The following TENM3 variants were observed in gnomAD, a reference collection of about 807,000 sequenced individuals.
The protein encoded by TENM3 is teneurin-3.
A neutral mutation model predicts 255.1 loss-of-function variants in TENM3; 63 were observed. The observed-to-expected ratio is 0.25, with a 90% CI of 0.20 to 0.30. TENM3 has a LOEUF of 0.30. Ranked by LOEUF, TENM3 falls within the 10% of genes least tolerant of loss-of-function variation. The pLI is 1.00. For synonymous variants in TENM3, 1,306 were observed against 1,322.3 expected (o/e 0.99, Z 0.27); for missense variants, 2,929 against 3,461.1 (o/e 0.85, Z 3.86).
rs1747996615 is a variant in TENM3 at position 182,602,533 on chromosome 4, C to T, written c.749+1372C>T. 6.6e-5 allele frequency among the ~76,000 whole-genome samples: 10 copies of T among 152,324 alleles called. No homozygotes were observed. In the South Asian group the frequency reaches 2.1e-3, roughly 32 times the overall value. ...GAAAGTCTTTCTGTGTTTTCTTTTA[C>T]TCTTGACCTAAGAACAAGGTTCTAA... is the stretch of plus-strand genomic sequence containing the variant. On this transcript the variant is annotated intron_variant, in intron 4 of 27. Coordinates refer to ENST00000511685, the MANE Select transcript of TENM3 (RefSeq NM_001080477.4).
At chr4:182,460,141 A>G (rs1437522747) in intron 3 of TENM3, among the ~76,000 whole-genome samples, 1 of 152,182 alleles carries the variant, frequency 6.6e-6, no homozygotes, top group Non-Finnish European at 1.5e-5. Flanking sequence ...CGCTGAAACG[A>G]GACAGCTAGT....
the TENM3 span, among the ~76,000 whole-genome samples, chr4:181,505,259 G>C: frequency 1.3e-5 from 2 of 152,188 alleles, no homozygotes; most frequent in Non-Finnish European, 2.9e-5. Flanking sequence ...GGAAGAAATT[G>C]TTAAAATGCT....
At chr4:182,005,651 A>C in the TENM3 span, among the ~76,000 whole-genome samples, 1 of 152,198 alleles carries the variant, frequency 6.6e-6, no homozygotes, top group Non-Finnish European at 1.5e-5. Context: ...TCTATAAATT[A>C]CTTCGGGCAG....
chr4:181,865,915 A>T, the TENM3 span, among the ~76,000 whole-genome samples: 1 of 152,208 alleles, frequency 6.6e-6, no homozygotes, highest in African/African-American at 2.4e-5. Context: ...GTTTAAGTCC[A>T]TTTTAAATAA....
chr4:181,528,760 G>A, the TENM3 span, among the ~76,000 whole-genome samples: 1 of 152,212 alleles, frequency 6.6e-6, no homozygotes, highest in Admixed American at 6.5e-5. Flanking sequence ...CCACCACTGT[G>A]CAATGCTGCC....
intron 22 of TENM3, among the ~76,000 whole-genome samples, chr4:182,769,768 A>T (rs1179703069): frequency 6.7e-6 from 1 of 149,178 alleles, no homozygotes; most frequent in Non-Finnish European, 1.5e-5. Flanking sequence ...TAGGCAACAG[A>T]GCAAGACTCT....
At chr4:181,935,006 T>C in the TENM3 span, among the ~76,000 whole-genome samples, 2 of 152,224 alleles carry the variant, frequency 1.3e-5, no homozygotes, top group African/African-American at 4.8e-5. Flanking sequence ...GAGAAATTTA[T>C]CCAAGGACTT....
rs1333363324 is a variant in TENM3 at position 182,161,753 on chromosome 4, ATATACATATATATG to A, written c.-76+17001_-76+17014del. On this transcript the variant is annotated intron_variant, in intron 1 of 2. Coordinates refer to the TENM3 transcript ENST00000512480. ...TATATACACAAATATATGTGTATAT[ATATACATATATATG>A]TGTATATATATATACACAAATATAT... Among the ~76,000 whole-genome samples, 42 of 78,956 alleles carry A rather than the reference ATATACATATATATG, an allele frequency of 5.3e-4. 4 individuals are homozygous for A. Among genetic ancestry groups the A allele is most frequent in the African/African-American group, 2.1e-3 (40 of 18,910 alleles). The allele number at this position is 78,956 out of a possible 152,430, so 51.8% of individuals were successfully genotyped here. A position where few individuals can be genotyped will look rare whatever the true frequency, so the allele number is the denominator to read the frequency against.
chr4:181,859,625 G>T, the TENM3 span, among the ~76,000 whole-genome samples: 3 of 152,120 alleles, frequency 2.0e-5, no homozygotes, highest in Admixed American at 2.0e-4. Flanking sequence ...GTATTCAGTT[G>T]CATTTCCCGC....
chr4:182,469,971 A>G (rs1732961461), intron 3 of TENM3, among the ~76,000 whole-genome samples: 1 of 152,204 alleles, frequency 6.6e-6, no homozygotes, highest in African/African-American at 2.4e-5. Context: ...TTTTTTAATT[A>G]CAAAATATCC....
the TENM3 span, among the ~76,000 whole-genome samples, chr4:181,597,231 G>A: frequency 1.3e-5 from 2 of 152,066 alleles, no homozygotes; most frequent in South Asian, 4.1e-4. Flanking sequence ...TATTTCTTTA[G>A]GAAAAAATTA....
chr4:181,969,167 C>T, the TENM3 span, among the ~76,000 whole-genome samples: 16 of 152,130 alleles, frequency 1.1e-4, no homozygotes, highest in African/African-American at 3.6e-4. Flanking sequence ...TCCAATTAGG[C>T]GTATTGTTCC....
the TENM3 span, among the ~76,000 whole-genome samples, chr4:181,937,352 A>G: frequency 3.1e-3 from 477 of 152,340 alleles, 1 homozygote; most frequent in Non-Finnish European, 4.7e-3. Context: ...TTTAAACAGG[A>G]GAGAGGCATG....
intron 3 of TENM3, among the ~76,000 whole-genome samples, chr4:182,600,061 A>C (rs1747677627): frequency 1.3e-5 from 2 of 152,232 alleles, no homozygotes; most frequent in African/African-American, 4.8e-5. Flanking sequence ...CACAGCATTC[A>C]AAACACAGTA....
At chr4:181,930,194 C>T in the TENM3 span, among the ~76,000 whole-genome samples, 58 of 151,148 alleles carry the variant, frequency 3.8e-4, no homozygotes, top group Middle Eastern at 3.4e-3. Flanking sequence ...GATAAAAACA[C>T]GAAAAACCAT....
intron 2 of TENM3, among the ~76,000 whole-genome samples, chr4:182,337,624 T>G (rs1475817968): frequency 6.6e-6 from 1 of 152,208 alleles, no homozygotes; most frequent in Non-Finnish European, 1.5e-5. Flanking sequence ...GGGCAATTTC[T>G]TATATAAAGT....
chr4:182,002,828 C>T, the TENM3 span, among the ~76,000 whole-genome samples: 6 of 152,238 alleles, frequency 3.9e-5, no homozygotes, highest in East Asian at 1.9e-4. Context: ...CACATCCATA[C>T]TTCTGCATCA....
At chr4:181,621,262 G>T in the TENM3 span, among the ~76,000 whole-genome samples, 4 of 152,144 alleles carry the variant, frequency 2.6e-5, no homozygotes, top group African/African-American at 7.2e-5. Flanking sequence ...ACCCTGTAAA[G>T]TGCATGTTAA....
At chr4:182,170,725 A>T (rs1323019642) in intron 1 of TENM3, among the ~76,000 whole-genome samples, 1 of 152,212 alleles carries the variant, frequency 6.6e-6, no homozygotes, top group East Asian at 1.9e-4. Context: ...AAAAAACCAC[A>T]AAGCTCCTGT....
Sources: allele counts gnomAD v4.1 joint callset (sites outside exome capture counted in the v4.1 genomes callset), GRCh38; gene constraint gnomAD v4.1.1; transcripts MANE v1.5; gene names NCBI Gene and HGNC (gene_info 2026-07-23, HGNC 2026-07-21).